The following COL14A1 variants were observed in gnomAD, a reference collection of about 807,000 sequenced individuals.
COL14A1 encodes collagen alpha-1(XIV) chain.
A neutral mutation model predicts 230.3 loss-of-function variants in COL14A1; 136 were observed. The observed-to-expected ratio is 0.59, with a 90% confidence interval of 0.51 to 0.68. COL14A1 has a LOEUF of 0.68. Among genes scored for constraint, COL14A1 ranks in the 30% least tolerant of loss-of-function variants. The probability of loss-of-function intolerance (pLI) is 0.00; values close to 1 mark genes in which losing one functional copy is unlikely to be tolerated. For missense variants in COL14A1, 1,976 were observed against 2,215.8 expected (o/e 0.89, Z 2.17); for synonymous variants, 792 against 784.1 (o/e 1.01, Z -0.17).
At position 120,373,034 on chromosome 8, in the gene COL14A1, T is replaced by C. The variant is rs1812215415; in HGVS notation, c.*1803T>C. ...GTCACCTAAGAGAACTCTTCCAACT[T>C]AAATGACTAGGGTGTGTAATCAGTT... On this transcript the variant is annotated 3_prime_UTR_variant, in exon 48 of 48. Transcript: ENST00000297848. Among the ~76,000 whole-genome samples, 1 of 152,164 alleles carries C rather than the reference T, an allele frequency of 6.6e-6. No individual in the cohort carries two copies. Among genetic ancestry groups the C allele is most frequent in the South Asian group, 2.1e-4 (1 of 4,828 alleles).
chr8:120,170,947 C>G (rs1429496663), intron 5 of COL14A1, among the ~76,000 whole-genome samples: 1 of 151,888 alleles, frequency 6.6e-6, no homozygotes, highest in African/African-American at 2.4e-5. Flanking sequence ...AATTCTCTTA[C>G]AGTCATTGTG....
At chr8:120,331,698 CT>C (rs1288389041) in intron 40 of COL14A1, among the ~76,000 whole-genome samples, 1 of 152,170 alleles carries the variant, frequency 6.6e-6, no homozygotes, top group Non-Finnish European at 1.5e-5. Context: ...CAGCTTACTC[CT>C]GAAGTTGCAG....
chr8:120,210,135 C>A (rs1817577574), intron 12 of COL14A1, among the ~76,000 whole-genome samples: 1 of 152,010 alleles, frequency 6.6e-6, no homozygotes, highest in Non-Finnish European at 1.5e-5. Flanking sequence ...CTGCTGTTTT[C>A]ATTTTATTTG....
chr8:120,198,122 A>G (rs777896317), intron 7 of COL14A1, among the ~76,000 whole-genome samples, 192 bp downstream of exon 7: 1 of 152,162 alleles, frequency 6.6e-6, no homozygotes, highest in Non-Finnish European at 1.5e-5. Flanking sequence ...CTCTATGACT[A>G]TAATGTCCCA....
chr8:120,156,861 A>C (rs1815497239), intron 2 of COL14A1, among the ~76,000 whole-genome samples: 1 of 152,214 alleles, frequency 6.6e-6, no homozygotes, highest in Admixed American at 6.5e-5. Flanking sequence ...ACCAAGAATG[A>C]AACTAACAGC....
In COL14A1 at chr8:120,136,348, CCTT is replaced by C. The variant is rs1309531713; in HGVS notation, c.-38+11011_-38+11013del. On this transcript the variant is annotated intron_variant, in intron 1 of 47. Coordinates refer to ENST00000297848, the MANE Select transcript of COL14A1 (RefSeq NM_021110.4). ...TTGAATTTTGTGAAATACTTTTTGTCCTTCTATTTAGATTACACGCACACACAC... is the reference window on the plus strand; with the variant it reads ...TTGAATTTTGTGAAATACTTTTTGTCCTATTTAGATTACACGCACACACAC... Among the ~76,000 whole-genome samples the C allele has an allele frequency of 6.8e-5, 10 of 146,666 alleles. No individual in the cohort carries two copies. The South Asian group carries it at 8.6e-4, about 13-fold the overall frequency.
chr8:120,203,181 T>C (rs555447477), intron 8 of COL14A1, among the ~76,000 whole-genome samples: 14 of 151,858 alleles, frequency 9.2e-5, no homozygotes, highest in Non-Finnish European at 1.9e-4. Flanking sequence ...TTATGATGTA[T>C]TGAGTAAAAT....
intron 25 of COL14A1, among the ~76,000 whole-genome samples, chr8:120,269,295 G>A (rs565813425): frequency 6.6e-6 from 1 of 151,704 alleles, no homozygotes; most frequent in Non-Finnish European, 1.5e-5. Context: ...TACCAAAAAA[G>A]AACTTTTAAA....
At chr8:120,331,107 CAAA>C (rs35915187) in intron 40 of COL14A1, among the ~76,000 whole-genome samples, 29 of 61,362 alleles carry the variant, frequency 4.7e-4, no homozygotes, top group African/African-American at 1.4e-3. Flanking sequence ...CTCTGTCTCA[CAAA>C]AAAAAAAAAA....
chr8:120,229,690 G>A (rs1818208483), intron 18 of COL14A1, among the ~76,000 whole-genome samples: 1 of 152,156 alleles, frequency 6.6e-6, no homozygotes, highest in Non-Finnish European at 1.5e-5. Context: ...TCGCCACACT[G>A]TCTTCCACAA....
chr8:120,227,136 T>C lies in COL14A1; in HGVS notation c.2005-84T>C, dbSNP rs999861928. 4.7e-6 allele frequency: 7 copies of C among 1,484,314 alleles called. No homozygotes were observed. In the African/African-American group the frequency reaches 7.0e-5, roughly 15 times the overall value. 91.9% of individuals were successfully genotyped at this position (1,484,314 alleles called of 1,614,324 possible). On this transcript the variant is annotated intron_variant, in intron 16 of 47. Transcript: ENST00000297848. ...CCTTGGAGTTCTTTATGATTGGTTG[T>C]TTCTTGCTTATGCTCAGAATAACAC...
Position 120,278,509 on chromosome 8 carries a change from A to C in COL14A1, c.3412A>C (p.Ile1138Leu), listed in dbSNP as rs767354173. 8.1e-6 allele frequency: 13 copies of C among 1,613,186 alleles called. No homozygotes were observed. Among genetic ancestry groups the C allele is most frequent in the African/African-American group, 1.3e-5 (1 of 74,982 alleles). ...TACAAGAAGGGGCATCCCAAAGGTT[A>C]TCGTGGTTATAACTGATGGAAGATC... The part of the protein sequence containing the change: ...SGTRRGIPKV[I>L]VVITDGRSQD... Residue 1138 changes from isoleucine to leucine, a missense_variant, in exon 28 of 48, where the codon ATC (isoleucine) becomes CTC (leucine). Transcript: ENST00000297848.
At chr8:120,369,303 C>T (rs373912508) in intron 46 of COL14A1, 27 bp from the exon 47 acceptor site, 49 of 1,470,832 alleles carry the variant, frequency 3.3e-5, no homozygotes, top group Admixed American at 1.5e-4. Flanking sequence ...AAAAGACCAA[C>T]GGTTTTCATC....
intron 4 of COL14A1, among the ~76,000 whole-genome samples, chr8:120,167,312 T>C (rs1036082784): frequency 2.0e-5 from 3 of 151,558 alleles, no homozygotes; most frequent in South Asian, 2.1e-4. Flanking sequence ...GTTTCCCCTA[T>C]GTAGCTTACC....
intron 37 of COL14A1, 34 bp downstream of exon 37, chr8:120,310,096 ATCTC>A (rs377750238): frequency 2.3e-5 from 36 of 1,575,654 alleles, no homozygotes; most frequent in South Asian, 1.1e-4. Flanking sequence ...TCTCTGTCTC[ATCTC>A]TCTCTCTCTC....
At chr8:120,298,597 T>TTATATATATA (rs59846403) in intron 35 of COL14A1, among the ~76,000 whole-genome samples, 1,038 of 57,724 alleles carry the variant, frequency 0.018, 40 homozygotes, top group East Asian at 0.025. Context: ...CCCATATATT[T>TTATATATATA]TATATATATA....
At chr8:120,332,797 T>G in intron 42 of COL14A1, 62 bp downstream of exon 42, 1 of 1,319,468 alleles carries the variant, frequency 7.6e-7, no homozygotes, top group African/African-American at 1.5e-5. Context: ...TTTATGTGTT[T>G]AAATTTACCA....
chr8:120,252,714 A>G (rs1819012205), intron 22 of COL14A1, among the ~76,000 whole-genome samples: 1 of 152,256 alleles, frequency 6.6e-6, no homozygotes, highest in South Asian at 2.1e-4. Context: ...CAAATATTCA[A>G]TAAATAACTA....
chr8:120,167,935 T>C (rs78655459), intron 4 of COL14A1, among the ~76,000 whole-genome samples: 1,872 of 152,348 alleles, frequency 0.012, 47 homozygotes, highest in African/African-American at 0.042. Flanking sequence ...CTGCCCATAG[T>C]GCATACTCAG....
Sources: gnomAD v4.1 joint callset for allele counts (sites outside exome capture counted in the v4.1 genomes callset) on GRCh38, gnomAD v4.1.1 for gene constraint, MANE v1.5 for transcripts, NCBI Gene and HGNC (gene_info 2026-07-23, HGNC 2026-07-21) for gene names.